DCAF8L2: variants seen among roughly 807,000 people sequenced by gnomAD.
The protein encoded by DCAF8L2 is DDB1- and CUL4-associated factor 8-like protein 2.
For missense variants in DCAF8L2, 430 were observed against 490.7 expected, an observed-to-expected ratio of 0.88 and a Z score of 1.17; for synonymous variants, 200 against 190.9, an observed-to-expected ratio of 1.05 and a Z score of -0.39.
the DCAF8L2 span, among the ~76,000 whole-genome samples, chrX:27,562,909 A>C: frequency 8.9e-6 from 1 of 112,096 alleles, no homozygotes; most frequent in African/African-American, 3.2e-5. Context: ...TCTCATCACC[A>C]TGTCTATTGC....
In DCAF8L2 at chrX:27,668,679, G is replaced by A. The variant is rs532737412; in HGVS notation, c.-219-9157G>A. On this transcript the variant is annotated intron_variant, in intron 2 of 4. Coordinates refer to ENST00000451261, the MANE Select transcript of DCAF8L2 (RefSeq NM_001353450.2). Reference sequence around the variant, plus strand: ...TCAGAAAAAGCAATTCTGGCCAGGCGCGGTGGCTCACGCCCATAATCCCAG... The same window carrying A: ...TCAGAAAAAGCAATTCTGGCCAGGCACGGTGGCTCACGCCCATAATCCCAG... 8.9e-5 allele frequency among the ~76,000 whole-genome samples: 10 copies of A among 112,181 alleles called. No individual in the cohort carries two copies. In the South Asian group the frequency reaches 3.3e-3, roughly 37 times the overall value.
At chrX:27,629,572 A>G (rs1928202578) in intron 1 of DCAF8L2, among the ~76,000 whole-genome samples, 1 of 108,810 alleles carries the variant, frequency 9.2e-6, no homozygotes, top group Non-Finnish European at 1.9e-5. Context: ...TGAAAAGACT[A>G]TCCTTTCCCC....
At chrX:27,514,696 CAAAAAAAAAAAA>C in the DCAF8L2 span, among the ~76,000 whole-genome samples, 31 of 39,957 alleles carry the variant, frequency 7.8e-4, no homozygotes, top group East Asian at 9.1e-3. Flanking sequence ...AAAAAAAAAA[CAAAAAAAAAAAA>C]CAGAGTGAAA....
chrX:27,726,249 T>C (rs2147307359), intron 4 of DCAF8L2, among the ~76,000 whole-genome samples: 1 of 111,508 alleles, frequency 9.0e-6, no homozygotes. Context: ...ATTTGGGAGA[T>C]CAGTTCTTAA....
intron 4 of DCAF8L2, 45 bp from the exon 5 acceptor site, chrX:27,746,793 C>A: frequency 1.3e-6 from 1 of 766,443 alleles, no homozygotes. Flanking sequence ...GCGCTTACTT[C>A]CTTCACTACC....
the DCAF8L2 span, among the ~76,000 whole-genome samples, chrX:27,564,192 G>A: frequency 9.0e-6 from 1 of 111,114 alleles, no homozygotes; most frequent in Non-Finnish European, 1.9e-5. Flanking sequence ...CAGCAGCAGG[G>A]AGAAGTGTCA....
the DCAF8L2 span, among the ~76,000 whole-genome samples, chrX:27,508,878 CA>C: frequency 8.2e-4 from 90 of 109,513 alleles, 1 homozygote; most frequent in Admixed American, 9.0e-3. Flanking sequence ...CTTGATAAAC[CA>C]CTTTGACAAT....
At chrX:27,528,964 G>A in the DCAF8L2 span, among the ~76,000 whole-genome samples, 72 of 111,349 alleles carry the variant, frequency 6.5e-4, no homozygotes, top group Middle Eastern at 0.023. Flanking sequence ...CTATGATTAC[G>A]TGAGTTGTTG....
chrX:27,601,983 A>C (rs1329368323), intron 1 of DCAF8L2, among the ~76,000 whole-genome samples: 1 of 111,909 alleles, frequency 8.9e-6, no homozygotes, highest in Non-Finnish European at 1.9e-5. Context: ...TCACTTTCAA[A>C]TAACACTTAC....
chrX:27,666,870 A>G (rs1460237321), intron 2 of DCAF8L2, among the ~76,000 whole-genome samples: 5 of 112,147 alleles, frequency 4.5e-5, no homozygotes, highest in Admixed American at 9.5e-5. Context: ...AAAGGGGCTC[A>G]TTTGTTTCCA....
the DCAF8L2 span, among the ~76,000 whole-genome samples, chrX:27,487,752 G>A: frequency 5.4e-5 from 6 of 111,950 alleles, no homozygotes; most frequent in Non-Finnish European, 7.5e-5. Context: ...CCATAGCAAA[G>A]AGAAACTTGA....
At chrX:27,685,359 TG>T (rs1288449822) in intron 3 of DCAF8L2, among the ~76,000 whole-genome samples, 3 of 111,761 alleles carry the variant, frequency 2.7e-5, no homozygotes, top group African/African-American at 9.8e-5. Context: ...AAATAATTTG[TG>T]GGTGACAAGA....
chrX:27,530,714 T>C, the DCAF8L2 span, among the ~76,000 whole-genome samples: 3 of 112,244 alleles, frequency 2.7e-5, no homozygotes, highest in Admixed American at 9.5e-5. Flanking sequence ...TATTTCCTGC[T>C]GTCCGCCTTA....
chrX:27,698,634 T>G lies in DCAF8L2; in HGVS notation c.-142-17454T>G, dbSNP rs186992997. On this transcript the variant is annotated intron_variant, in intron 3 of 4. Coordinates refer to ENST00000451261, the MANE Select transcript of DCAF8L2 (RefSeq NM_001353450.2). Reference sequence around the variant, plus strand: ...TCATAGACTATCTACTTTAAACTTTTTCTTAAAAAATATGTTTGTAGTAGT... The same window carrying G: ...TCATAGACTATCTACTTTAAACTTTGTCTTAAAAAATATGTTTGTAGTAGT... Among the ~76,000 whole-genome samples the G allele has an allele frequency of 5.3e-5, 6 of 112,282 alleles. No homozygotes were observed. In the East Asian group the frequency reaches 1.7e-3, roughly 31 times the overall value.
At position 27,660,311 on chromosome X, in the gene DCAF8L2, A is replaced by C. The variant is rs147555771; in HGVS notation, c.-219-17525A>C. ...AGTGCTGAGATTACAGGTGTGAGCC[A>C]CCATGCCCAGCTTATCCCTATGTTG... On this transcript the variant is annotated intron_variant, in intron 2 of 4. Coordinates refer to ENST00000451261, the MANE Select transcript of DCAF8L2 (RefSeq NM_001353450.2). Among the ~76,000 whole-genome samples, 103 of 112,292 alleles carry C rather than the reference A, an allele frequency of 9.2e-4. 1 individual carries two copies. In the East Asian group the frequency reaches 0.023, roughly 25 times the overall value.
At chrX:27,538,746 A>G in the DCAF8L2 span, among the ~76,000 whole-genome samples, 1 of 111,370 alleles carries the variant, frequency 9.0e-6, no homozygotes, top group Non-Finnish European at 1.9e-5. Context: ...GGCTTTGCTC[A>G]TATTTATACA....
At chrX:27,737,573 C>T (rs930829463) in intron 4 of DCAF8L2, among the ~76,000 whole-genome samples, 2 of 111,775 alleles carry the variant, frequency 1.8e-5, no homozygotes, top group Non-Finnish European at 3.8e-5. Context: ...TCCTGGAAGC[C>T]AATCTAAACA....
the DCAF8L2 span, among the ~76,000 whole-genome samples, chrX:27,499,841 G>GA: frequency 9.3e-4 from 101 of 108,592 alleles, no homozygotes; most frequent in African/African-American, 3.0e-3. Context: ...GGTGGTGGGG[G>GA]GGGGTACAGG....
the DCAF8L2 span, among the ~76,000 whole-genome samples, chrX:27,514,229 G>T: frequency 6.6e-5 from 7 of 106,619 alleles, no homozygotes; most frequent in African/African-American, 2.3e-4. Context: ...GTACCTATAT[G>T]TGTGCATATG....
Sources: gnomAD v4.1 joint callset for allele counts (sites outside exome capture counted in the v4.1 genomes callset) on GRCh38, gnomAD v4.1.1 for gene constraint, MANE v1.5 for transcripts, NCBI Gene and HGNC (gene_info 2026-07-23, HGNC 2026-07-21) for gene names.